NCKAP5: variants seen among roughly 807,000 people sequenced by gnomAD.
NCKAP5 encodes the protein nck-associated protein 5.
NCKAP5 carries 92 observed loss-of-function variants against 167.0 expected under a neutral mutation model. That is an observed-to-expected ratio of 0.55 (90% confidence interval 0.47 to 0.66). The LOEUF is 0.66. Ranked by LOEUF, NCKAP5 falls within the 30% of genes least tolerant of loss-of-function variation. The pLI is 0.00. For synonymous variants in NCKAP5, 891 were observed against 877.4 expected, an observed-to-expected ratio of 1.02 and a Z score of -0.27; for missense variants, 2,378 against 2,315.0, an observed-to-expected ratio of 1.03 and a Z score of -0.56.
intron 3 of NCKAP5, among the ~76,000 whole-genome samples, chr2:133,375,582 C>G (rs113600357): frequency 6.6e-6 from 1 of 152,306 alleles, no homozygotes; most frequent in South Asian, 2.1e-4. Flanking sequence ...TCCTGATCCT[C>G]TCTCTCCTCC....
chr2:133,041,149 T>G (rs190808000), intron 6 of NCKAP5, among the ~76,000 whole-genome samples: 1 of 152,282 alleles, frequency 6.6e-6, no homozygotes, highest in Admixed American at 6.5e-5. Flanking sequence ...GGGGTGACAG[T>G]GAATTTTTGA....
At chr2:132,743,064 A>C (rs1194426351) in intron 16 of NCKAP5, among the ~76,000 whole-genome samples, 1 of 103,194 alleles carries the variant, frequency 9.7e-6, no homozygotes, top group African/African-American at 5.5e-5. Context: ...ACAGAAACAC[A>C]TGTGCACATG....
chr2:133,091,945 T>C (rs1272690142), intron 6 of NCKAP5, among the ~76,000 whole-genome samples: 1 of 152,136 alleles, frequency 6.6e-6, no homozygotes, highest in Non-Finnish European at 1.5e-5. Flanking sequence ...CAGCAATAAA[T>C]TTCTTTCCAG....
At chr2:132,828,729 C>A (rs189904718) in intron 11 of NCKAP5, among the ~76,000 whole-genome samples, 1 of 152,154 alleles carries the variant, frequency 6.6e-6, no homozygotes, top group African/African-American at 2.4e-5. Context: ...CTTCAGAGTG[C>A]GTGTGCTTGG....
At chr2:132,746,203 T>A (rs1442540039) in intron 16 of NCKAP5, among the ~76,000 whole-genome samples, 2 of 152,080 alleles carry the variant, frequency 1.3e-5, no homozygotes, top group African/African-American at 2.4e-5. Flanking sequence ...GGTAAGGATT[T>A]GCACATAGGT....
intron 2 of NCKAP5, among the ~76,000 whole-genome samples, chr2:133,537,346 A>C (rs1480164044): frequency 6.6e-6 from 1 of 152,106 alleles, no homozygotes; most frequent in Non-Finnish European, 1.5e-5. Flanking sequence ...TCTGCAAAAA[A>C]ATCCAACTGG....
chr2:133,028,298 C>G (rs889236638), intron 6 of NCKAP5, among the ~76,000 whole-genome samples: 2 of 152,290 alleles, frequency 1.3e-5, no homozygotes, highest in South Asian at 2.1e-4. Flanking sequence ...GTGGAAATTA[C>G]TTTCCAGAAA....
the NCKAP5 span, among the ~76,000 whole-genome samples, chr2:133,652,134 A>C: frequency 1.3e-5 from 2 of 152,236 alleles, no homozygotes. Flanking sequence ...GCACCTGATA[A>C]GTATACAAAG....
At chr2:133,011,650 G>A (rs1468912902) in intron 6 of NCKAP5, among the ~76,000 whole-genome samples, 1 of 152,214 alleles carries the variant, frequency 6.6e-6, no homozygotes, top group Non-Finnish European at 1.5e-5. Context: ...CTTCAATAGA[G>A]AGCCTTCATT....
chr2:132,997,530 T>C (rs2077640262), intron 6 of NCKAP5, among the ~76,000 whole-genome samples: 1 of 151,960 alleles, frequency 6.6e-6, no homozygotes, highest in Admixed American at 6.6e-5. Context: ...ATTTGGTAGA[T>C]GAGAAACCTA....
intron 5 of NCKAP5, among the ~76,000 whole-genome samples, chr2:133,143,041 C>T (rs1452803974): frequency 6.6e-6 from 1 of 151,938 alleles, no homozygotes; most frequent in Non-Finnish European, 1.5e-5. Flanking sequence ...GTCTTGAAAG[C>T]CCTTCTAGAA....
chr2:132,765,860 T>G (rs1681427260), intron 16 of NCKAP5, among the ~76,000 whole-genome samples: 1 of 152,196 alleles, frequency 6.6e-6, no homozygotes, highest in Admixed American at 6.5e-5. Flanking sequence ...ATGGGGCAAC[T>G]GCTAGGAAGT....
chr2:133,423,033 T>A (rs1358496963), intron 3 of NCKAP5, among the ~76,000 whole-genome samples: 1 of 152,006 alleles, frequency 6.6e-6, no homozygotes, highest in Admixed American at 6.6e-5. Context: ...TCTCAATACA[T>A]CTAATTTGGG....
At chr2:132,854,410 G>A (rs1689305531) in intron 11 of NCKAP5, among the ~76,000 whole-genome samples, 1 of 152,232 alleles carries the variant, frequency 6.6e-6, no homozygotes, top group South Asian at 2.1e-4. Context: ...GTGTGAGTAG[G>A]AGATTGAGTG....
intron 8 of NCKAP5, among the ~76,000 whole-genome samples, chr2:132,960,821 A>G (rs10198336): frequency 0.33 from 49,895 of 151,936 alleles, 8,843 homozygotes; most frequent in Admixed American, 0.48. Flanking sequence ...AGAACCTGTT[A>G]GGGGAGCAGG....
At chr2:132,689,543 T>C (rs549575199) in intron 19 of NCKAP5, among the ~76,000 whole-genome samples, 1 of 152,306 alleles carries the variant, frequency 6.6e-6, no homozygotes, top group East Asian at 1.9e-4. Context: ...ACACTGCCTC[T>C]GCTACTCAGA....
chr2:133,571,011 G>A (rs1316450299), upstream of NCKAP5, among the ~76,000 whole-genome samples: 1 of 151,224 alleles, frequency 6.6e-6, no homozygotes, highest in Non-Finnish European at 1.5e-5. Flanking sequence ...TTCTTTAGGG[G>A]GGAAAAAAAA....
intron 19 of NCKAP5, among the ~76,000 whole-genome samples, chr2:132,691,615 T>C (rs558197370): frequency 5.3e-5 from 8 of 152,290 alleles, no homozygotes; most frequent in African/African-American, 1.9e-4. Flanking sequence ...GCACCGCCAT[T>C]TTAAAATGCC....
intron 11 of NCKAP5, among the ~76,000 whole-genome samples, chr2:132,800,014 C>G (rs1283128712): frequency 3.9e-5 from 6 of 152,086 alleles, no homozygotes; most frequent in African/African-American, 1.4e-4. Context: ...TTTCTTATGA[C>G]AAGAATTTTT....
Sources: gnomAD v4.1 joint callset for allele counts (sites outside exome capture counted in the v4.1 genomes callset) on GRCh38, gnomAD v4.1.1 for gene constraint, MANE v1.5 for transcripts, NCBI Gene and HGNC (gene_info 2026-07-23, HGNC 2026-07-21) for gene names.